The following CIAO2A variants were observed in gnomAD, a reference collection of about 807,000 sequenced individuals.
CIAO2A encodes the protein MIP18 family protein FAM96A.
A neutral mutation model predicts 22.4 loss-of-function variants in CIAO2A; 17 were observed. The observed-to-expected ratio is 0.76, with a 90% CI of 0.52 to 1.14. CIAO2A has a LOEUF of 1.14. CIAO2A is among the 50% of genes most tolerant of loss of function. CIAO2A has a pLI of 0.00. For missense variants in CIAO2A, 192 were observed against 191.4 expected, an observed-to-expected ratio of 1.00 and a Z score of -0.02; for synonymous variants, 74 against 72.3, an observed-to-expected ratio of 1.02 and a Z score of -0.12.
At chr15:64,076,247 C>T (rs1358328965) in intron 3 of CIAO2A, among the ~76,000 whole-genome samples, 1 of 152,114 alleles carries the variant, frequency 6.6e-6, no homozygotes, top group Non-Finnish European at 1.5e-5. Flanking sequence ...AGGAAATCTA[C>T]AATAACAATC....
intron 2 of CIAO2A, among the ~76,000 whole-genome samples, chr15:64,087,082 TGC>T (rs1472847784): frequency 7.5e-6 from 1 of 132,592 alleles, no homozygotes; most frequent in Non-Finnish European, 1.7e-5. Context: ...TTGCTAATTT[TGC>T]TTTTTTTTTT....
intron 1 of CIAO2A, among the ~76,000 whole-genome samples, chr15:64,090,026 T>C (rs772413806): frequency 2.6e-5 from 4 of 152,118 alleles, no homozygotes; most frequent in South Asian, 2.1e-4. Flanking sequence ...TGGCTGAACA[T>C]TGGAATTACC....
Position 64,093,774 on chromosome 15 carries a change from C to A in CIAO2A, c.-6G>T. 6.2e-7 allele frequency: 1 copy of A among 1,609,548 alleles called. No homozygotes were observed. The highest frequency in any genetic ancestry group is 8.5e-7 in the Non-Finnish European group (1 of 1,176,332). On this transcript the variant is annotated 5_prime_UTR_variant, in exon 1 of 5. Coordinates refer to ENST00000300030, the MANE Select transcript of CIAO2A (RefSeq NM_032231.7). ...AGCCCGGACACCCGCTGCATCTTCA[C>A]GCTCAGCCATCCCTGGCGACTGTCC...
intron 2 of CIAO2A, among the ~76,000 whole-genome samples, chr15:64,088,436 T>C (rs1307329827): frequency 3.3e-5 from 5 of 152,248 alleles, no homozygotes; most frequent in Non-Finnish European, 7.3e-5. Context: ...TACCTGATTC[T>C]GTGCAAGTCA....
chr15:64,091,084 T>C (rs1380772911), intron 1 of CIAO2A, among the ~76,000 whole-genome samples: 3 of 152,232 alleles, frequency 2.0e-5, no homozygotes, highest in Admixed American at 2.0e-4. Flanking sequence ...TTTTGTTTTA[T>C]TATTTATCAC....
Position 64,085,870 on chromosome 15 carries a change from A to T in CIAO2A, c.289+2817T>A, listed in dbSNP as rs199872192. On this transcript the variant is annotated intron_variant, in intron 2 of 4. Transcript: ENST00000300030. ...ATTACAGGCGCCCGCCACCACGCCC[A>T]GCTAATTTTTTGCATTTTTGGTAGA... Among the ~76,000 whole-genome samples, 147 of 151,730 alleles carry T rather than the reference A, an allele frequency of 9.7e-4. 1 individual carries two copies. The East Asian group carries it at 0.022, about 22-fold the overall frequency.
At chr15:64,083,709 G>A (rs558233708) in intron 2 of CIAO2A, among the ~76,000 whole-genome samples, 55 of 152,270 alleles carry the variant, frequency 3.6e-4, no homozygotes, top group African/African-American at 1.2e-3. Flanking sequence ...TTGGGAGGCC[G>A]AGGTGGGCGG....
chr15:64,078,657 A>G (rs1385125152), intron 3 of CIAO2A, among the ~76,000 whole-genome samples: 4 of 148,316 alleles, frequency 2.7e-5, no homozygotes, highest in Non-Finnish European at 6.0e-5. Flanking sequence ...AAAAAAAAAG[A>G]AAAGAGAGAG....
chr15:64,076,723 CTTTTTT>C (rs556233822), intron 3 of CIAO2A, among the ~76,000 whole-genome samples: 1 of 115,168 alleles, frequency 8.7e-6, no homozygotes. Flanking sequence ...CTAGTCCAAT[CTTTTTT>C]TTTTTTTTTT....
At chr15:64,092,268 T>A (rs2080846258) in intron 1 of CIAO2A, among the ~76,000 whole-genome samples, 1 of 152,140 alleles carries the variant, frequency 6.6e-6, no homozygotes, top group African/African-American at 2.4e-5. Flanking sequence ...GCCCCATCTA[T>A]CTGTCATTTC....
rs1174584365 is a variant in CIAO2A, at chr15:64,093,687, G to C, written c.82C>G (p.Arg28Gly). ...TTCTCTTCCATGATCCGGGGCTGCC[G>C]GGCAGCTCCCGGCTCAGAGAGGCCG... ...LSGLSEPGAA[R>G]QPRIMEEKAL... is the part of the protein sequence containing the mutation. The change falls in exon 1 of 5, where the codon CGG becomes GGG. Residue 28 changes from arginine (R) to glycine (G), a missense_variant. Physicochemically the swap from Arg to Gly is moderately radical, Grantham distance 125 (BLOSUM62 -2). Coordinates refer to ENST00000300030, the MANE Select transcript of CIAO2A (RefSeq NM_032231.7). 1.2e-6 allele frequency: 2 copies of C among 1,613,982 alleles called. No individual in the cohort carries two copies. Among genetic ancestry groups the C allele is most frequent in the Non-Finnish European group, 1.7e-6 (2 of 1,179,938 alleles).
chr15:64,087,506 G>A (rs11636273), intron 2 of CIAO2A, among the ~76,000 whole-genome samples: 82,245 of 151,872 alleles, frequency 0.54, 27,206 homozygotes, highest in East Asian at 0.81. Flanking sequence ...TGGGATTACA[G>A]GTGTGAGCCA....
chr15:64,086,998 G>A (rs2080802130), intron 2 of CIAO2A, among the ~76,000 whole-genome samples: 1 of 145,446 alleles, frequency 6.9e-6, no homozygotes, highest in Admixed American at 7.0e-5. Flanking sequence ...TGCAACCTCT[G>A]CCTCCCAGGT....
intron 2 of CIAO2A, among the ~76,000 whole-genome samples, chr15:64,082,053 T>C (rs1457075465): frequency 6.6e-6 from 1 of 152,124 alleles, no homozygotes; most frequent in Non-Finnish European, 1.5e-5. Flanking sequence ...CCTCAAACCA[T>C]ACAGCAATAC....
chr15:64,079,141 A>T (rs919111720), intron 3 of CIAO2A, among the ~76,000 whole-genome samples: 21 of 149,234 alleles, frequency 1.4e-4, no homozygotes, highest in African/African-American at 4.4e-4. Context: ...TACAAAAAAT[A>T]AAAAAAAAAA....
At chr15:64,074,750 T>G (rs909340693) in intron 4 of CIAO2A, 5 of 152,198 alleles carry the variant, frequency 3.3e-5, no homozygotes. Flanking sequence ...CAGCCCTGTG[T>G]ATGCCTTTCT....
intron 3 of CIAO2A, among the ~76,000 whole-genome samples, chr15:64,079,427 C>G (rs1460003884): frequency 6.6e-6 from 1 of 152,166 alleles, no homozygotes; most frequent in African/African-American, 2.4e-5. Context: ...GCCTGTAGTC[C>G]TAGCTACTTG....
rs2080683363 is a variant in CIAO2A at position 64,072,879 on chromosome 15, G to A, written c.*52C>T. 3 of 1,234,046 alleles carry A rather than the reference G, an allele frequency of 2.4e-6. No homozygotes were observed. The highest frequency in any genetic ancestry group is 3.6e-6 in the Non-Finnish European group (3 of 842,708). 76.4% of individuals were successfully genotyped at this position (1,234,046 alleles called of 1,614,324 possible). On this transcript the variant is annotated 3_prime_UTR_variant, in exon 5 of 5. Coordinates refer to ENST00000300030, the MANE Select transcript of CIAO2A (RefSeq NM_032231.7). ...ATGAGTCTCTGACATTATACAAAGA[G>A]TTTAAACAAATATATCAAACAATTA...
At chr15:64,087,029 A>G (rs1469556892) in intron 2 of CIAO2A, among the ~76,000 whole-genome samples, 3 of 147,084 alleles carry the variant, frequency 2.0e-5, no homozygotes, top group Admixed American at 6.8e-5. Flanking sequence ...CTCCTGCCTC[A>G]GCCTCTCAAG....
Sources: gnomAD v4.1 joint callset for allele counts (sites outside exome capture counted in the v4.1 genomes callset) on GRCh38, gnomAD v4.1.1 for gene constraint, MANE v1.5 for transcripts, NCBI Gene and HGNC (gene_info 2026-07-23, HGNC 2026-07-21) for gene names.